The following EPHA5 variants were observed in gnomAD, a reference collection of about 807,000 sequenced individuals.
EPHA5 encodes ephrin type-A receptor 5.
EPHA5 carries 60 observed loss-of-function variants against 105.0 expected under a neutral mutation model. The observed-to-expected ratio is 0.57, with a 90% CI of 0.46 to 0.71. The LOEUF (loss-of-function observed/expected upper bound fraction) is 0.71. Ranked by LOEUF, EPHA5 falls within the 30% of genes least tolerant of loss-of-function variation. The pLI, the probability that EPHA5 is intolerant of heterozygous loss-of-function variation, is 0.00. For missense variants in EPHA5, 1,218 were observed against 1,274.7 expected, an observed-to-expected ratio of 0.96 and a Z score of 0.68; for synonymous variants, 513 against 449.1, an observed-to-expected ratio of 1.14 and a Z score of -1.80.
At chr4:65,361,087 A>G (rs894138097) in intron 11 of EPHA5, among the ~76,000 whole-genome samples, 1 of 151,702 alleles carries the variant, frequency 6.6e-6, no homozygotes, top group Non-Finnish European at 1.5e-5. Flanking sequence ...CACACAAGTG[A>G]GCAAAACAAA....
intron 8 of EPHA5, among the ~76,000 whole-genome samples, chr4:65,379,276 T>TACACACACAC (rs35953627): frequency 6.7e-6 from 1 of 149,908 alleles, no homozygotes; most frequent in Admixed American, 6.7e-5. Context: ...AGTATGCACA[T>TACACACACAC]ACACACACAC....
chr4:65,659,863 TA>T (rs1201944145), intron 1 of EPHA5, among the ~76,000 whole-genome samples: 1 of 152,138 alleles, frequency 6.6e-6, no homozygotes, highest in East Asian at 1.9e-4. Flanking sequence ...AATTCAATTA[TA>T]TTTCCAGGTA....
chr4:65,481,636 C>G (rs1361240480), intron 5 of EPHA5, among the ~76,000 whole-genome samples: 4 of 152,066 alleles, frequency 2.6e-5, no homozygotes, highest in African/African-American at 4.8e-5. Flanking sequence ...CTCTTGGGAG[C>G]CAATTATCTA....
At chr4:65,531,644 G>C (rs1038140159) in intron 3 of EPHA5, among the ~76,000 whole-genome samples, 6 of 151,574 alleles carry the variant, frequency 4.0e-5, no homozygotes, top group African/African-American at 1.5e-4. Context: ...TTTGCAGAAT[G>C]ACAATGATCC....
chr4:65,465,422 T>TC (rs1728521382), intron 5 of EPHA5, among the ~76,000 whole-genome samples: 1 of 133,354 alleles, frequency 7.5e-6, no homozygotes, highest in South Asian at 2.4e-4. Flanking sequence ...TGAGACTCCA[T>TC]CCCCCCACCC....
chr4:65,555,478 C>G (rs1243803541), intron 3 of EPHA5, among the ~76,000 whole-genome samples: 1 of 151,636 alleles, frequency 6.6e-6, no homozygotes, highest in African/African-American at 2.4e-5. Context: ...ATGAAATAAG[C>G]TGTACTGCAA....
At chr4:65,399,693 C>T (rs923394984) in intron 8 of EPHA5, among the ~76,000 whole-genome samples, 2 of 152,172 alleles carry the variant, frequency 1.3e-5, no homozygotes, top group African/African-American at 4.8e-5. Context: ...TACATGTGTG[C>T]AATGTCTATG....
chr4:65,658,878 A>G (rs1041429989), intron 1 of EPHA5, among the ~76,000 whole-genome samples: 4 of 152,082 alleles, frequency 2.6e-5, no homozygotes, highest in African/African-American at 4.8e-5. Flanking sequence ...CAGCTCCCTA[A>G]TTTATAACAT....
At chr4:65,476,868 T>C (rs746885982) in intron 5 of EPHA5, among the ~76,000 whole-genome samples, 6 of 152,212 alleles carry the variant, frequency 3.9e-5, no homozygotes, top group African/African-American at 9.6e-5. Flanking sequence ...TAGTGTACTA[T>C]GTCTGGATCC....
At chr4:65,584,296 G>T (rs1741914015) in intron 3 of EPHA5, among the ~76,000 whole-genome samples, 1 of 151,900 alleles carries the variant, frequency 6.6e-6, no homozygotes, top group Non-Finnish European at 1.5e-5. Context: ...TGATGTCTGA[G>T]AAATATATCT....
intron 5 of EPHA5, among the ~76,000 whole-genome samples, chr4:65,423,332 T>C (rs897111514): frequency 5.9e-5 from 9 of 151,892 alleles, no homozygotes; most frequent in African/African-American, 2.2e-4. Flanking sequence ...GTTCCTCCAC[T>C]ATAACATTTT....
chr4:65,660,807 C>A (rs1749493387), intron 1 of EPHA5, among the ~76,000 whole-genome samples: 3 of 138,170 alleles, frequency 2.2e-5, no homozygotes, highest in Admixed American at 2.1e-4. Flanking sequence ...GGACATGGGC[C>A]ACTTGAGGCA....
At chr4:65,417,076 CAGA>C (rs200127936) in intron 6 of EPHA5, among the ~76,000 whole-genome samples, 2,511 of 152,334 alleles carry the variant, frequency 0.016, 25 homozygotes, top group South Asian at 0.03. Context: ...ACGGCCTCAG[CAGA>C]AGGAGCCAGC....
At position 65,536,207 on chromosome 4, in the gene EPHA5, G is replaced by A. The variant is rs190812504; in HGVS notation, c.911-40664C>T. 1.2e-3 allele frequency among the ~76,000 whole-genome samples: 186 copies of A among 151,896 alleles called. 1 individual carries two copies. The highest frequency in any genetic ancestry group is 1.8e-3 in the Non-Finnish European group (119 of 67,864). On this transcript the variant is annotated intron_variant, in intron 3 of 16. Transcript: ENST00000613740. ...ATCTATCGCTGCCCCACAGTGCTTTGAGCAGACAATTGCTCCATCCTAATC... is the reference window on the plus strand; with the variant it reads ...ATCTATCGCTGCCCCACAGTGCTTTAAGCAGACAATTGCTCCATCCTAATC...
chr4:65,384,244 A>G (rs1719870666), intron 8 of EPHA5, among the ~76,000 whole-genome samples: 1 of 151,922 alleles, frequency 6.6e-6, no homozygotes, highest in South Asian at 2.1e-4. Flanking sequence ...CTCAAGGTGT[A>G]GTTCAAATCT....
At chr4:65,401,013 A>T (rs1354140322) in intron 8 of EPHA5, among the ~76,000 whole-genome samples, 2 of 151,902 alleles carry the variant, frequency 1.3e-5, no homozygotes. Context: ...GGGTAATTTC[A>T]AAGTGAGATG....
chr4:65,570,888 T>G (rs917839508), intron 3 of EPHA5, among the ~76,000 whole-genome samples: 1 of 152,014 alleles, frequency 6.6e-6, no homozygotes, highest in African/African-American at 2.4e-5. Context: ...ATTTGGAAGA[T>G]AGCAATGGAG....
chr4:65,669,861 T>G lies in EPHA5; in HGVS notation c.-119A>C, dbSNP rs1430556284. On this transcript the variant is annotated 5_prime_UTR_variant, in exon 1 of 17. Coordinates refer to ENST00000613740, the MANE Select transcript of EPHA5 (RefSeq NM_001281766.3). ...TTGTCCCCCCTTGGGGTCCTACGCC[T>G]TCTGGCACGCGGCTCCTCCAAATGT... The G allele has an allele frequency of 1.1e-5, 13 of 1,224,636 alleles. No homozygotes were observed. The highest frequency in any genetic ancestry group is 1.3e-5 in the Non-Finnish European group (13 of 982,190). The allele number at this position is 1,224,636 out of a possible 1,614,324, so 75.9% of individuals were successfully genotyped here.
intron 2 of EPHA5, among the ~76,000 whole-genome samples, chr4:65,626,291 T>C (rs1424937160): frequency 6.6e-6 from 1 of 152,150 alleles, no homozygotes; most frequent in African/African-American, 2.4e-5. Context: ...AAAATACTTT[T>C]GAACTTTTTA....
Sources: allele counts gnomAD v4.1 joint callset (sites outside exome capture counted in the v4.1 genomes callset), GRCh38; gene constraint gnomAD v4.1.1; transcripts MANE v1.5; gene names NCBI Gene and HGNC (gene_info 2026-07-23, HGNC 2026-07-21).